SPNS3: variants seen among roughly 807,000 people sequenced by gnomAD.
SPNS3 encodes the protein SPNS lysolipid transporter 3, sphingosine-1-phosphate (putative).
A neutral mutation model predicts 54.4 loss-of-function variants in SPNS3; 51 were observed. The observed-to-expected ratio is 0.94, with a 90% CI of 0.75 to 1.18. The LOEUF is 1.18. SPNS3 is among the 50% of genes most tolerant of loss of function. The probability of loss-of-function intolerance (pLI) is 0.00; values close to 1 mark genes in which losing one functional copy is unlikely to be tolerated. For missense variants in SPNS3, 669 were observed against 677.4 expected (o/e 0.99, Z 0.14); for synonymous variants, 309 against 294.7 (o/e 1.05, Z -0.50).
chr17:4,477,363 C>A (rs987661787), intron 8 of SPNS3, among the ~76,000 whole-genome samples: 41 of 152,182 alleles, frequency 2.7e-4, no homozygotes, highest in Non-Finnish European at 1.0e-4. Flanking sequence ...CTGGGTGCTC[C>A]CTGGCCACTG....
intron 6 of SPNS3, among the ~76,000 whole-genome samples, chr17:4,448,706 G>A (rs1971073283): frequency 6.6e-6 from 1 of 152,244 alleles, no homozygotes; most frequent in Non-Finnish European, 1.5e-5. Context: ...TGGCGTGCAT[G>A]ATCCTCTGTG....
chr17:4,439,575 C>A, intron 1 of SPNS3, 83 bp from the exon 2 acceptor site: 1 of 1,313,380 alleles, frequency 7.6e-7, no homozygotes, highest in Non-Finnish European at 1.1e-6. Context: ...TCAGCTGTGG[C>A]CCTGTGCCAA....
chr17:4,488,172 G>A lies in SPNS3; in HGVS notation c.*278G>A, dbSNP rs1597351076. 4.1e-6 allele frequency: 2 copies of A among 493,066 alleles called. No homozygotes were observed. Among genetic ancestry groups the A allele is most frequent in the East Asian group, 3.5e-5 (1 of 28,654 alleles). The allele number at this position is 493,066 out of a possible 1,614,324, so 30.5% of individuals were successfully genotyped here. A position where few individuals can be genotyped will look rare whatever the true frequency, so the allele number is the denominator to read the frequency against. On this transcript the variant is annotated 3_prime_UTR_variant, in exon 12 of 12. Coordinates refer to ENST00000355530, the MANE Select transcript of SPNS3 (RefSeq NM_182538.5). ...GCTGCTGGGCCCTGAATAAAGAGAG[G>A]CCAGTACAAAGCCCATGGATTTTGG...
chr17:4,452,046 C>G (rs1215327276), intron 7 of SPNS3, among the ~76,000 whole-genome samples: 1 of 151,942 alleles, frequency 6.6e-6, no homozygotes, highest in East Asian at 1.9e-4. Flanking sequence ...GAAGTATATT[C>G]AAATCCTGGT....
At chr17:4,485,405 T>A (rs576398626) in intron 9 of SPNS3, among the ~76,000 whole-genome samples, 6 of 151,980 alleles carry the variant, frequency 3.9e-5, no homozygotes, top group African/African-American at 7.2e-5. Flanking sequence ...TTTTTATTTT[T>A]TTTTTTTTTG....
chr17:4,449,923 G>A (rs1044785749), intron 7 of SPNS3, among the ~76,000 whole-genome samples: 2 of 152,110 alleles, frequency 1.3e-5, no homozygotes, highest in Non-Finnish European at 2.9e-5. Context: ...CTGCTGCCCG[G>A]CTGGGCTCCA....
In SPNS3 at chr17:4,472,774, C is replaced by CTTTTTTTTTTTTTTT. The variant is rs375118697; in HGVS notation, c.1114-5779_1114-5765dup. Among the ~76,000 whole-genome samples the CTTTTTTTTTTTTTTT allele has an allele frequency of 7.9e-5, 4 of 50,942 alleles. 1 individual carries two copies. Among genetic ancestry groups the CTTTTTTTTTTTTTTT allele is most frequent in the Non-Finnish European group, 1.0e-4 (3 of 29,976 alleles). The allele number at this position is 50,942 out of a possible 152,430, so 33.4% of individuals were successfully genotyped here. On this transcript the variant is annotated intron_variant, in intron 8 of 11. Transcript: ENST00000355530. ...ATTGTCTGCTCTTTTGCTTGGCAGC[C>CTTTTTTTTTTTTTTT]TTTTTTTTTTTTTTTTTTTTTTTTT...
intron 7 of SPNS3, among the ~76,000 whole-genome samples, chr17:4,450,283 C>T (rs1971123974): frequency 6.6e-6 from 1 of 151,012 alleles, no homozygotes; most frequent in African/African-American, 2.4e-5. Context: ...CTCTTCTCCT[C>T]TCTTCTCTTC....
rs529242277 is a variant in SPNS3 at position 4,454,418 on chromosome 17, C to T, written c.1113+1213C>T. 1.4e-3 allele frequency among the ~76,000 whole-genome samples: 211 copies of T among 152,340 alleles called. 2 individuals carry two copies. The highest frequency in any genetic ancestry group is 4.9e-3 in the African/African-American group (205 of 41,574). On this transcript the variant is annotated intron_variant, in intron 8 of 11. Transcript: ENST00000355530. ...GGCTGCAGACACAGATGCGCTTGCA[C>T]ATGTTAACCAGGTTTACTGAGCAGA...
Position 4,443,093 on chromosome 17 carries a change from G to A in SPNS3, c.266-1939G>A, listed in dbSNP as rs191059693. 2.0e-3 allele frequency among the ~76,000 whole-genome samples: 303 copies of A among 151,416 alleles called. 2 individuals are homozygous for A. The highest frequency in any genetic ancestry group is 0.014 in the South Asian group (66 of 4,794). On this transcript the variant is annotated intron_variant, in intron 2 of 11. Transcript: ENST00000355530. ...TTGCTTTTTGTTTTTTTTTTTGAGA[G>A]AGACTCTCGCTCTGTCACACAGGCT... is the stretch of plus-strand genomic sequence containing the variant.
intron 8 of SPNS3, among the ~76,000 whole-genome samples, chr17:4,456,489 A>C (rs1488758248): frequency 6.6e-6 from 1 of 152,140 alleles, no homozygotes; most frequent in Non-Finnish European, 1.5e-5. Context: ...CTCACGACTG[A>C]CACTTTTGTG....
chr17:4,448,090 C>T (rs1038113192), intron 5 of SPNS3, 65 bp from the exon 6 acceptor site: 5 of 1,459,274 alleles, frequency 3.4e-6, no homozygotes, highest in African/African-American at 1.5e-5. Flanking sequence ...GGCCAGTTGC[C>T]CCCGGGGGTC....
Position 4,453,210 on chromosome 17 carries a change from G to A in SPNS3, c.1113+5G>A. 4 of 1,610,618 alleles carry A rather than the reference G, an allele frequency of 2.5e-6. No homozygotes were observed. Among genetic ancestry groups the A allele is most frequent in the Non-Finnish European group, 3.4e-6 (4 of 1,178,610 alleles). ...ACCACCCTGCTGGCCTCCTATGTAAGTGAGAGCCTCTATGGAGGTGGGGAC... is the reference window on the plus strand; with the variant it reads ...ACCACCCTGCTGGCCTCCTATGTAAATGAGAGCCTCTATGGAGGTGGGGAC... On this transcript the variant is annotated splice_donor_5th_base_variant and intron_variant, in intron 8 of 11. Transcript: ENST00000355530.
intron 8 of SPNS3, among the ~76,000 whole-genome samples, chr17:4,453,723 A>G (rs1268921891): frequency 3.3e-5 from 5 of 152,186 alleles, no homozygotes; most frequent in Non-Finnish European, 2.9e-5. Context: ...GTGTCCTCTG[A>G]GCATTGGGTT....
chr17:4,456,046 G>A (rs1162029668), intron 8 of SPNS3, among the ~76,000 whole-genome samples: 1 of 151,914 alleles, frequency 6.6e-6, no homozygotes, highest in African/African-American at 2.4e-5. Context: ...TGAACTCCTG[G>A]GCTCCAGCAA....
intron 8 of SPNS3, among the ~76,000 whole-genome samples, chr17:4,463,076 A>C (rs1335018216): frequency 6.6e-6 from 1 of 151,862 alleles, no homozygotes; most frequent in Non-Finnish European, 1.5e-5. Context: ...CTGAGTGTGT[A>C]TATGTTCATT....
At chr17:4,439,973 C>G (rs1034926792) in intron 2 of SPNS3, among the ~76,000 whole-genome samples, 3 of 152,132 alleles carry the variant, frequency 2.0e-5, no homozygotes, top group Admixed American at 2.0e-4. Context: ...GGTCCCTCAG[C>G]CTCAGGTCCT....
intron 8 of SPNS3, among the ~76,000 whole-genome samples, chr17:4,465,986 C>T (rs9900945): frequency 0.08 from 12,182 of 152,224 alleles, 1,491 homozygotes; most frequent in African/African-American, 0.27. Flanking sequence ...GTGAGAAACC[C>T]GGACTCGAGT....
At chr17:4,469,284 A>G (rs7210829) in intron 8 of SPNS3, among the ~76,000 whole-genome samples, 132,803 of 151,654 alleles carry the variant, frequency 0.88, 58,505 homozygotes, top group East Asian at 1. Flanking sequence ...ACGGGGTTTC[A>G]CTATGTTACC....
Sources: gnomAD v4.1 joint callset for allele counts (sites outside exome capture counted in the v4.1 genomes callset) on GRCh38, gnomAD v4.1.1 for gene constraint, MANE v1.5 for transcripts, NCBI Gene and HGNC (gene_info 2026-07-23, HGNC 2026-07-21) for gene names.